The following XKR4 variants were observed in gnomAD, a reference collection of about 807,000 sequenced individuals.
XKR4 encodes XK related 4, also known as XK-related protein 4.
A neutral mutation model predicts 53.9 loss-of-function variants in XKR4; 12 were observed. The ratio of observed to expected loss-of-function variants is 0.22; its 90% CI spans 0.14 to 0.36. The LOEUF (loss-of-function observed/expected upper bound fraction) is 0.36. XKR4 is among the 10% of genes least tolerant of loss of function. The pLI is 1.00. For missense variants in XKR4, 799 were observed against 859.5 expected, an observed-to-expected ratio of 0.93 and a Z score of 0.88; for synonymous variants, 354 against 362.4, an observed-to-expected ratio of 0.98 and a Z score of 0.26.
chr8:55,370,467 G>A (rs1048309956), intron 2 of XKR4, among the ~76,000 whole-genome samples: 4 of 152,152 alleles, frequency 2.6e-5, no homozygotes, highest in Non-Finnish European at 5.9e-5. Context: ...TAGTTCATTA[G>A]TAATGAAACA....
chr8:55,470,010 G>A (rs1296509404), intron 2 of XKR4, among the ~76,000 whole-genome samples: 1 of 151,498 alleles, frequency 6.6e-6, no homozygotes, highest in African/African-American at 2.5e-5. Flanking sequence ...AATAAGAAGT[G>A]CCATGATAGA....
In XKR4 at chr8:55,523,592, A is replaced by G; in HGVS notation, c.1318A>G (p.Ile440Val). 6.2e-7 allele frequency: 1 copy of G among 1,614,170 alleles called. No homozygotes were observed. The highest frequency in any genetic ancestry group is 8.5e-7 in the Non-Finnish European group (1 of 1,180,032). ...EIVFDMVVGI[I>V]YIFSWFNVKE... ...TGTGTTCGACATGGTGGTGGGGATTATCTATATCTTCAGTTGGTTCAATGT... is the reference window on the plus strand; with the variant it reads ...TGTGTTCGACATGGTGGTGGGGATTGTCTATATCTTCAGTTGGTTCAATGT... The change falls in exon 3 of 3, where the codon ATC becomes GTC. Residue 440 changes from isoleucine to valine, a missense_variant. Physicochemically the swap from Ile to Val is conservative, Grantham distance 29. Coordinates refer to ENST00000327381, the MANE Select transcript of XKR4 (RefSeq NM_052898.2).
chr8:55,347,991 T>C (rs1381793369), intron 1 of XKR4, among the ~76,000 whole-genome samples: 1 of 152,152 alleles, frequency 6.6e-6, no homozygotes, highest in East Asian at 1.9e-4. Flanking sequence ...AAAACCTTAG[T>C]GAGCCCCAAC....
chr8:55,469,086 A>G (rs1409566506), intron 2 of XKR4, among the ~76,000 whole-genome samples: 19 of 152,142 alleles, frequency 1.2e-4, no homozygotes, highest in Admixed American at 1.2e-3. Flanking sequence ...GCTAATCAGT[A>G]TCTAAGGACA....
At chr8:55,119,905 C>T (rs571019300) in intron 1 of XKR4, among the ~76,000 whole-genome samples, 30 of 152,272 alleles carry the variant, frequency 2.0e-4, no homozygotes, top group Admixed American at 4.6e-4. Context: ...TAAACATAAA[C>T]AGAGTTGGGA....
chr8:55,345,579 G>T (rs907884943), intron 1 of XKR4, among the ~76,000 whole-genome samples: 5 of 152,176 alleles, frequency 3.3e-5, no homozygotes, highest in Admixed American at 1.3e-4. Context: ...TTGCCCTTGG[G>T]AAGAAAAATT....
chr8:55,480,913 G>T (rs1735502596), intron 2 of XKR4, among the ~76,000 whole-genome samples: 2 of 152,132 alleles, frequency 1.3e-5, no homozygotes, highest in South Asian at 4.1e-4. Flanking sequence ...ACAAAGAAAT[G>T]GAAGAACATT....
At chr8:55,300,437 G>T (rs1819175312) in intron 1 of XKR4, among the ~76,000 whole-genome samples, 1 of 152,168 alleles carries the variant, frequency 6.6e-6, no homozygotes, top group African/African-American at 2.4e-5. Context: ...AGGGACAGGT[G>T]ACAGACAGGA....
chr8:55,261,375 C>T (rs554420285), intron 1 of XKR4, among the ~76,000 whole-genome samples: 1 of 152,182 alleles, frequency 6.6e-6, no homozygotes, highest in Non-Finnish European at 1.5e-5. Flanking sequence ...CTCAAGATAA[C>T]TTAAAATATG....
chr8:55,406,546 G>T (rs1020634854), intron 2 of XKR4, among the ~76,000 whole-genome samples: 1 of 152,134 alleles, frequency 6.6e-6, no homozygotes, highest in African/African-American at 2.4e-5. Context: ...CGGAACCAAG[G>T]TCTTACCTAC....
chr8:55,542,000 T>C lies in XKR4; in HGVS notation c.*17773T>C, dbSNP rs760092025. The C allele has an allele frequency of 6.6e-6, 1 of 152,112 alleles. No homozygotes were observed. The highest frequency in any genetic ancestry group is 1.5e-5 in the Non-Finnish European group (1 of 68,020). The allele number at this position is 152,112 out of a possible 1,614,324, so 9.4% of individuals were successfully genotyped here. Reference sequence around the variant, plus strand: ...CTTCATAATGAACAAATTTCCTTGGTTACATGGTTTTTCTTGTAAAACTTA... The same window carrying C: ...CTTCATAATGAACAAATTTCCTTGGCTACATGGTTTTTCTTGTAAAACTTA... On this transcript the variant is annotated 3_prime_UTR_variant, in exon 3 of 3. Transcript: ENST00000327381.
intron 1 of XKR4, among the ~76,000 whole-genome samples, chr8:55,303,744 G>T (rs1298575976): frequency 1.3e-5 from 2 of 150,402 alleles, no homozygotes; most frequent in South Asian, 4.2e-4. Context: ...ATGTGTCGAG[G>T]AATTTATCCA....
At chr8:55,500,781 A>C (rs1254895605) in intron 2 of XKR4, among the ~76,000 whole-genome samples, 1 of 152,160 alleles carries the variant, frequency 6.6e-6, no homozygotes, top group Non-Finnish European at 1.5e-5. Flanking sequence ...TAAAAAATTA[A>C]TGTTGCTATC....
chr8:55,442,462 G>A (rs991894876), intron 2 of XKR4, among the ~76,000 whole-genome samples: 10 of 152,122 alleles, frequency 6.6e-5, no homozygotes, highest in South Asian at 2.1e-4. Context: ...GGCACCACAC[G>A]AGCCAGCAAT....
At chr8:55,272,600 T>G (rs1441936593) in intron 1 of XKR4, among the ~76,000 whole-genome samples, 1 of 152,164 alleles carries the variant, frequency 6.6e-6, no homozygotes, top group African/African-American at 2.4e-5. Flanking sequence ...CAGATCTGCC[T>G]TGGAGATCTC....
At chr8:55,123,878 A>C (rs990962108) in intron 1 of XKR4, among the ~76,000 whole-genome samples, 5 of 152,186 alleles carry the variant, frequency 3.3e-5, no homozygotes, top group African/African-American at 9.7e-5. Context: ...AGACTCTGAA[A>C]CTACAATTTA....
At chr8:55,363,913 G>A (rs1803936623) in intron 2 of XKR4, among the ~76,000 whole-genome samples, 1 of 152,172 alleles carries the variant, frequency 6.6e-6, no homozygotes, top group Non-Finnish European at 1.5e-5. Context: ...TGCAACATTT[G>A]TACTAAAGAA....
At chr8:55,495,781 C>T (rs1806337611) in intron 2 of XKR4, among the ~76,000 whole-genome samples, 1 of 152,354 alleles carries the variant, frequency 6.6e-6, no homozygotes, top group Non-Finnish European at 1.5e-5. Context: ...GCACAGGAGA[C>T]CCACCACTGC....
chr8:55,320,813 GT>G (rs1302544340), intron 1 of XKR4, among the ~76,000 whole-genome samples: 6 of 151,942 alleles, frequency 3.9e-5, no homozygotes, highest in African/African-American at 7.3e-5. Flanking sequence ...ACCTTTCTTT[GT>G]GTTAGAAACA....
Sources: allele counts gnomAD v4.1 joint callset (sites outside exome capture counted in the v4.1 genomes callset), GRCh38; gene constraint gnomAD v4.1.1; transcripts MANE v1.5; gene names NCBI Gene and HGNC (gene_info 2026-07-23, HGNC 2026-07-21).